SLC4A10: variants seen among roughly 807,000 people sequenced by gnomAD.
SLC4A10 encodes sodium-driven chloride bicarbonate exchanger.
SLC4A10 carries 42 observed loss-of-function variants against 137.7 expected under a neutral mutation model. The ratio of observed to expected loss-of-function variants is 0.30; its 90% CI spans 0.24 to 0.39. SLC4A10 has a LOEUF of 0.39. Among genes scored for constraint, SLC4A10 ranks in the 10% least tolerant of loss-of-function variants. SLC4A10 has a pLI of 1.00. For missense variants in SLC4A10, 925 were observed against 1,355.0 expected (o/e 0.68, Z 4.98); for synonymous variants, 474 against 464.1 (o/e 1.02, Z -0.27).
chr2:161,664,146 C>A (rs911726442), intron 1 of SLC4A10, among the ~76,000 whole-genome samples: 1 of 151,864 alleles, frequency 6.6e-6, no homozygotes, highest in East Asian at 1.9e-4. Context: ...GATTCTAACC[C>A]TGATTCTTTT....
At chr2:161,863,311 A>G (rs1282885287) in intron 6 of SLC4A10, among the ~76,000 whole-genome samples, 1 of 152,164 alleles carries the variant, frequency 6.6e-6, no homozygotes. Flanking sequence ...TAATAAAAAA[A>G]CTTTTAGATT....
intron 3 of SLC4A10, among the ~76,000 whole-genome samples, chr2:161,817,861 C>T (rs2057240030): frequency 6.6e-6 from 1 of 151,890 alleles, no homozygotes; most frequent in South Asian, 2.1e-4. Context: ...GTACCAGTAC[C>T]ATGCTGTTTT....
intron 1 of SLC4A10, among the ~76,000 whole-genome samples, chr2:161,640,214 T>C (rs373367635): frequency 3.9e-5 from 6 of 152,274 alleles, no homozygotes; most frequent in African/African-American, 1.2e-4. Context: ...TCTGTGGACA[T>C]TGAGAACTCA....
At chr2:161,722,072 T>C (rs2045742624) in intron 1 of SLC4A10, among the ~76,000 whole-genome samples, 1 of 152,210 alleles carries the variant, frequency 6.6e-6, no homozygotes, top group African/African-American at 2.4e-5. Context: ...TTTATTCTGG[T>C]TAACAGCTCC....
chr2:161,665,504 G>T (rs2038936272), intron 1 of SLC4A10, among the ~76,000 whole-genome samples: 1 of 151,548 alleles, frequency 6.6e-6, no homozygotes, highest in Admixed American at 6.6e-5. Context: ...GAAAAAACAA[G>T]ATAGGTGAAG....
At chr2:161,797,263 T>C (rs1433480900) in intron 2 of SLC4A10, among the ~76,000 whole-genome samples, 1 of 152,120 alleles carries the variant, frequency 6.6e-6, no homozygotes, top group African/African-American at 2.4e-5. Context: ...GCTCACGTTA[T>C]CTCCTTTTTC....
intron 1 of SLC4A10, among the ~76,000 whole-genome samples, chr2:161,637,997 T>G (rs1267535401): frequency 6.6e-6 from 1 of 152,182 alleles, no homozygotes; most frequent in Non-Finnish European, 1.5e-5. Flanking sequence ...TTTTTGCTAT[T>G]TAATTGTTTG....
intron 2 of SLC4A10, among the ~76,000 whole-genome samples, chr2:161,798,994 A>T (rs2055081789): frequency 2.7e-5 from 4 of 150,648 alleles, no homozygotes; most frequent in Admixed American, 1.3e-4. Flanking sequence ...CTGCAGATAA[A>T]CTCTGAATAA....
At chr2:161,650,295 C>T (rs1467022076) in intron 1 of SLC4A10, among the ~76,000 whole-genome samples, 1 of 152,244 alleles carries the variant, frequency 6.6e-6, no homozygotes, top group Admixed American at 6.5e-5. Flanking sequence ...GGGAAGAACA[C>T]CACAAAGGTG....
intron 1 of SLC4A10, among the ~76,000 whole-genome samples, chr2:161,654,039 C>T (rs1165791967): frequency 6.6e-6 from 1 of 152,130 alleles, no homozygotes; most frequent in African/African-American, 2.4e-5. Flanking sequence ...TATATCCTAA[C>T]ACTTGTTATC....
intron 1 of SLC4A10, among the ~76,000 whole-genome samples, chr2:161,654,418 T>C (rs184443289): frequency 6.6e-5 from 10 of 152,348 alleles, no homozygotes; most frequent in Admixed American, 5.9e-4. Flanking sequence ...TTTGCTTTTG[T>C]TGCCTGTGCT....
chr2:161,872,490 C>T, intron 7 of SLC4A10, 106 bp downstream of exon 7: 1 of 684,068 alleles, frequency 1.5e-6, no homozygotes, highest in Non-Finnish European at 2.4e-6. Context: ...CTTTTTGTTT[C>T]TTGTCAAAGC....
chr2:161,818,969 T>C (rs1366948790), intron 3 of SLC4A10, among the ~76,000 whole-genome samples: 3 of 152,178 alleles, frequency 2.0e-5, no homozygotes, highest in African/African-American at 7.2e-5. Context: ...CAGGGTTTGG[T>C]ATCAGGATGA....
intron 15 of SLC4A10, among the ~76,000 whole-genome samples, chr2:161,908,624 G>A (rs1685056145): frequency 6.6e-6 from 1 of 151,844 alleles, no homozygotes; most frequent in African/African-American, 2.4e-5. Context: ...CTGGTATTGG[G>A]TTGGGAAAGG....
intron 3 of SLC4A10, among the ~76,000 whole-genome samples, chr2:161,809,720 A>T (rs1375473005): frequency 1.3e-5 from 2 of 151,872 alleles, no homozygotes; most frequent in Non-Finnish European, 2.9e-5. Flanking sequence ...TCTCTATTCT[A>T]TTCCATTAGT....
chr2:161,930,943 T>TGTTTTG (rs1690259059), intron 15 of SLC4A10, among the ~76,000 whole-genome samples: 1 of 149,070 alleles, frequency 6.7e-6, no homozygotes, highest in Non-Finnish European at 1.5e-5. Flanking sequence ...TGTTTTATTT[T>TGTTTTG]GTTTTTTAAG....
At chr2:161,711,200 TC>T (rs1159042596) in intron 1 of SLC4A10, among the ~76,000 whole-genome samples, 1 of 151,802 alleles carries the variant, frequency 6.6e-6, no homozygotes, top group African/African-American at 2.4e-5. Flanking sequence ...GTATAAGCCA[TC>T]ATTGTCAGTA....
At chr2:161,973,357 A>T (rs1698877617) in intron 23 of SLC4A10, among the ~76,000 whole-genome samples, 1 of 152,192 alleles carries the variant, frequency 6.6e-6, no homozygotes, top group Middle Eastern at 3.2e-3. Context: ...AAAAAGTTTG[A>T]TGATAACATT....
intron 8 of SLC4A10, among the ~76,000 whole-genome samples, chr2:161,874,685 A>C (rs959329313): frequency 1.3e-5 from 2 of 152,162 alleles, no homozygotes; most frequent in East Asian, 3.9e-4. Context: ...AGCATGGCAC[A>C]CTGGAAAGTC....
Sources: allele counts gnomAD v4.1 joint callset (sites outside exome capture counted in the v4.1 genomes callset), GRCh38; gene constraint gnomAD v4.1.1; transcripts MANE v1.5; gene names NCBI Gene and HGNC (gene_info 2026-07-23, HGNC 2026-07-21).